NTM: variants seen among roughly 807,000 people sequenced by gnomAD.
NTM encodes the protein neurotrimin.
In NTM, 13 loss-of-function variants were observed where a neutral mutation model predicts 42.1. That is an observed-to-expected ratio of 0.31 (90% CI 0.20 to 0.49). NTM has a LOEUF of 0.49. Among genes scored for constraint, NTM ranks in the 20% least tolerant of loss-of-function variants. The probability of loss-of-function intolerance (pLI) is 0.99; values close to 1 mark genes in which losing one functional copy is unlikely to be tolerated. For missense variants in NTM, 373 were observed against 452.8 expected (o/e 0.82, Z 1.60); for synonymous variants, 187 against 179.2 (o/e 1.04, Z -0.35).
At chr11:131,913,717 A>G (rs1031537644) in intron 2 of NTM, among the ~76,000 whole-genome samples, 2 of 152,072 alleles carry the variant, frequency 1.3e-5, no homozygotes, top group Non-Finnish European at 2.9e-5. Flanking sequence ...AGATGGGAAC[A>G]TGGTGGAGCT....
intron 1 of NTM, chr11:131,371,138 T>A (rs937826024): frequency 7.2e-6 from 7 of 978,438 alleles, no homozygotes; most frequent in Non-Finnish European, 8.5e-6. Context: ...CTGTTAGGAC[T>A]GTGCTTGTGT....
intron 2 of NTM, among the ~76,000 whole-genome samples, chr11:132,044,068 A>ATG (rs1342342886): frequency 3.1e-5 from 2 of 63,756 alleles, no homozygotes; most frequent in African/African-American, 9.1e-5. Flanking sequence ...ATGTGTGTGT[A>ATG]TGTGTATGTG....
intron 1 of NTM, among the ~76,000 whole-genome samples, chr11:131,880,245 C>T (rs186072565): frequency 6.6e-6 from 1 of 152,160 alleles, no homozygotes; most frequent in Non-Finnish European, 1.5e-5. Flanking sequence ...ACTGCTGAAG[C>T]CTTAAGGAGG....
intron 4 of NTM, among the ~76,000 whole-genome samples, chr11:132,301,401 C>A (rs978138478): frequency 6.6e-6 from 1 of 152,180 alleles, no homozygotes; most frequent in African/African-American, 2.4e-5. Flanking sequence ...CACAGCCAAA[C>A]CTCTAAAGTC....
intron 1 of NTM, among the ~76,000 whole-genome samples, chr11:131,867,863 G>A (rs939782131): frequency 3.9e-5 from 6 of 152,112 alleles, no homozygotes; most frequent in African/African-American, 1.2e-4. Context: ...ACCAGCAGAT[G>A]GAGCTGAAGG....
intron 2 of NTM, among the ~76,000 whole-genome samples, chr11:131,985,919 C>T (rs763871692): frequency 7.2e-5 from 11 of 152,280 alleles, no homozygotes; most frequent in East Asian, 1.9e-4. Flanking sequence ...GAGTGTTCCA[C>T]GAGTGTTTGC....
intron 1 of NTM, among the ~76,000 whole-genome samples, chr11:131,403,882 C>T (rs1344472770): frequency 1.3e-5 from 2 of 152,294 alleles, no homozygotes; most frequent in Admixed American, 1.3e-4. Context: ...TATTTCTCCT[C>T]ATTTTAGAGT....
At chr11:131,642,376 A>G (rs73592216) in intron 1 of NTM, among the ~76,000 whole-genome samples, 3,343 of 152,276 alleles carry the variant, frequency 0.022, 121 homozygotes, top group African/African-American at 0.074. Flanking sequence ...AAGAATAACA[A>G]TTTGGGGAAG....
chr11:132,245,598 A>G (rs560028276), intron 4 of NTM, among the ~76,000 whole-genome samples: 15 of 152,282 alleles, frequency 9.9e-5, no homozygotes, highest in African/African-American at 3.6e-4. Context: ...GACAGCAATT[A>G]GGAGAGCCTT....
At chr11:131,608,630 G>GAACATGTCCATGC (rs2061205951) in intron 1 of NTM, among the ~76,000 whole-genome samples, 2 of 152,084 alleles carry the variant, frequency 1.3e-5, no homozygotes, top group South Asian at 4.1e-4. Context: ...TTGCTCCTGG[G>GAACATGTCCATGC]AACATGTCCA....
chr11:132,330,961 C>G (rs2136444266), intron 8 of NTM, among the ~76,000 whole-genome samples: 1 of 152,348 alleles, frequency 6.6e-6, no homozygotes, highest in African/African-American at 2.4e-5. Flanking sequence ...TCCACGCCCA[C>G]CTGGACCTAA....
chr11:132,019,148 A>G (rs925292762), intron 2 of NTM, among the ~76,000 whole-genome samples: 1 of 150,110 alleles, frequency 6.7e-6, no homozygotes, highest in African/African-American at 2.5e-5. Flanking sequence ...GACTTTCCCT[A>G]ATTTTTTTGT....
chr11:132,094,474 A>G (rs1591474554), intron 2 of NTM, among the ~76,000 whole-genome samples: 1 of 151,856 alleles, frequency 6.6e-6, no homozygotes, highest in African/African-American at 2.4e-5. Context: ...TCTCTCTCTC[A>G]TTTTTCCCTG....
At chr11:131,862,451 C>T (rs1162860475) in intron 1 of NTM, among the ~76,000 whole-genome samples, 1 of 152,218 alleles carries the variant, frequency 6.6e-6, no homozygotes, top group African/African-American at 2.4e-5. Context: ...TTCATTCACT[C>T]ATTTCTTCAT....
chr11:132,169,740 A>G (rs1439863797), intron 3 of NTM, among the ~76,000 whole-genome samples: 1 of 152,158 alleles, frequency 6.6e-6, no homozygotes, highest in Non-Finnish European at 1.5e-5. Context: ...AAGCATGAGA[A>G]AAGAAATGCA....
At chr11:132,071,437 T>A (rs2057658484) in intron 2 of NTM, among the ~76,000 whole-genome samples, 1 of 152,240 alleles carries the variant, frequency 6.6e-6, no homozygotes. Flanking sequence ...ACCACCGTGC[T>A]TGCCTGTATT....
intron 1 of NTM, among the ~76,000 whole-genome samples, chr11:131,689,220 C>T (rs1456064248): frequency 1.3e-5 from 2 of 152,174 alleles, no homozygotes; most frequent in African/African-American, 2.4e-5. Context: ...CATGAGGCAG[C>T]GGGGAGGGCC....
chr11:132,109,875 T>A (rs7123696), intron 2 of NTM, among the ~76,000 whole-genome samples: 1 of 152,070 alleles, frequency 6.6e-6, no homozygotes, highest in East Asian at 1.9e-4. Context: ...TTCCCACTTA[T>A]GAGTGAGGAC....
intron 1 of NTM, among the ~76,000 whole-genome samples, chr11:131,833,908 CTT>C (rs990441117): frequency 6.6e-6 from 1 of 152,098 alleles, no homozygotes; most frequent in East Asian, 1.9e-4. Context: ...ATTTCGAAGT[CTT>C]TTTTCTTAGA....
Sources: allele counts gnomAD v4.1 joint callset (sites outside exome capture counted in the v4.1 genomes callset), GRCh38; gene constraint gnomAD v4.1.1; transcripts MANE v1.5; gene names NCBI Gene and HGNC (gene_info 2026-07-23, HGNC 2026-07-21).